Variants in KHDRBS2 observed in about 807,000 individuals in gnomAD.
KHDRBS2 encodes the protein KH domain-containing, RNA-binding, signal transduction-associated protein 2.
Under a neutral mutation model 44.3 loss-of-function variants are expected in KHDRBS2, and 26 were observed. That is an observed-to-expected ratio of 0.59 (90% confidence interval 0.43 to 0.81). The LOEUF is 0.81. KHDRBS2 is among the 40% of genes least tolerant of loss of function. The probability of loss-of-function intolerance (pLI) is 0.00; values close to 1 mark genes in which losing one functional copy is unlikely to be tolerated. For synonymous variants in KHDRBS2, 194 were observed against 151.1 expected, an observed-to-expected ratio of 1.28 and a Z score of -2.08; for missense variants, 476 against 433.1, an observed-to-expected ratio of 1.10 and a Z score of -0.88.
chr6:62,108,540 G>A (rs891695867), intron 2 of KHDRBS2, among the ~76,000 whole-genome samples: 7 of 152,210 alleles, frequency 4.6e-5, no homozygotes, highest in African/African-American at 1.2e-4. Flanking sequence ...TCAGTGTGGC[G>A]ATTCCTCAGG....
chr6:62,133,906 A>G (rs1390804357), intron 2 of KHDRBS2, among the ~76,000 whole-genome samples: 4 of 152,206 alleles, frequency 2.6e-5, no homozygotes, highest in Non-Finnish European at 5.9e-5. Flanking sequence ...ATTTCTAAAA[A>G]GCAAAGCATT....
At chr6:61,747,256 C>T (rs2127566834) in intron 6 of KHDRBS2, among the ~76,000 whole-genome samples, 1 of 152,168 alleles carries the variant, frequency 6.6e-6, no homozygotes, top group South Asian at 2.1e-4. Context: ...TGGTGTTAGA[C>T]AGAGAATGAA....
At chr6:62,253,134 T>C (rs754706554) in intron 1 of KHDRBS2, among the ~76,000 whole-genome samples, 1 of 152,034 alleles carries the variant, frequency 6.6e-6, no homozygotes, top group Admixed American at 6.6e-5. Context: ...TAATTATTGT[T>C]TGTTTAACCT....
intron 7 of KHDRBS2, among the ~76,000 whole-genome samples, chr6:61,706,389 T>C (rs1172503864): frequency 2.0e-5 from 3 of 151,824 alleles, no homozygotes; most frequent in Admixed American, 6.6e-5. Flanking sequence ...GAAGTTTGTA[T>C]CTAGAAAAGT....
rs190459972 is a variant in KHDRBS2, at chr6:62,151,036, C to T, written c.219+26149G>A. On this transcript the variant is annotated intron_variant, in intron 2 of 8. Transcript: ENST00000281156. ...TCACCTCACCCGTCCCTACCCCATA[C>T]TTCTATCTGCACCTTTTGCTACAAG... Among the ~76,000 whole-genome samples the T allele has an allele frequency of 2.2e-3, 342 of 152,224 alleles. 1 individual carries two copies. The highest frequency in any genetic ancestry group is 3.7e-3 in the Non-Finnish European group (249 of 68,004).
chr6:61,641,997 G>A, the KHDRBS2 span, among the ~76,000 whole-genome samples: 1 of 152,142 alleles, frequency 6.6e-6, no homozygotes, highest in Non-Finnish European at 1.5e-5. Context: ...GAGATTTGGA[G>A]AGATGAGGTA....
At chr6:62,155,165 G>A (rs1217628575) in intron 2 of KHDRBS2, among the ~76,000 whole-genome samples, 1 of 151,934 alleles carries the variant, frequency 6.6e-6, no homozygotes, top group Non-Finnish European at 1.5e-5. Flanking sequence ...ATTTGAGCTG[G>A]GTTTAGAGAA....
At chr6:62,036,451 T>C (rs1287335468) in intron 3 of KHDRBS2, among the ~76,000 whole-genome samples, 1 of 151,930 alleles carries the variant, frequency 6.6e-6, no homozygotes, top group Non-Finnish European at 1.5e-5. Context: ...CTATGTTCAT[T>C]ACCTGTCTTA....
rs575872889 is a variant in KHDRBS2 at position 62,097,025 on chromosome 6, A to G, written c.220-49031T>C. 1.1e-4 allele frequency among the ~76,000 whole-genome samples: 16 copies of G among 151,184 alleles called. 2 individuals carry two copies. Among genetic ancestry groups the G allele is most frequent in the Admixed American group, 8.6e-4 (13 of 15,184 alleles). On this transcript the variant is annotated intron_variant, in intron 2 of 8. Coordinates refer to ENST00000281156, the MANE Select transcript of KHDRBS2 (RefSeq NM_152688.4). ...GTCAGAAGCATGTTTTTAAATTTCC[A>G]TGTATTGGTATAGTTTCCTAAGTTC...
chr6:61,955,008 GTA>G (rs1312077819), intron 4 of KHDRBS2, among the ~76,000 whole-genome samples: 1 of 127,810 alleles, frequency 7.8e-6, no homozygotes, highest in African/African-American at 3.0e-5. Flanking sequence ...ACATACATAT[GTA>G]TGTATACACA....
At chr6:62,067,956 CTT>C (rs1794135046) in intron 2 of KHDRBS2, among the ~76,000 whole-genome samples, 1 of 151,502 alleles carries the variant, frequency 6.6e-6, no homozygotes. Flanking sequence ...ACAGCGGACA[CTT>C]GAGTTGTGTC....
At chr6:62,175,360 G>T (rs1264622623) in intron 2 of KHDRBS2, among the ~76,000 whole-genome samples, 1 of 151,404 alleles carries the variant, frequency 6.6e-6, no homozygotes, top group African/African-American at 2.4e-5. Context: ...TAAACATCAG[G>T]TGTTATCATT....
At chr6:62,061,384 C>G (rs1219618676) in intron 2 of KHDRBS2, among the ~76,000 whole-genome samples, 1 of 151,516 alleles carries the variant, frequency 6.6e-6, no homozygotes, top group African/African-American at 2.4e-5. Context: ...GACAAAATCT[C>G]TCAGCATTTG....
Position 61,815,492 on chromosome 6 carries a change from A to G in KHDRBS2, c.810+79143T>C, listed in dbSNP as rs185098567. Among the ~76,000 whole-genome samples the G allele has an allele frequency of 1.1e-4, 16 of 152,270 alleles. No homozygotes were observed. The East Asian group carries it at 1.5e-3, about 15-fold the overall frequency. On this transcript the variant is annotated intron_variant, in intron 6 of 8. Transcript: ENST00000281156. ...GTATGTACTTTATGGTTTTAGCAAA[A>G]GTAACGAGTTCTTGCCAAACTATTC...
intron 5 of KHDRBS2, among the ~76,000 whole-genome samples, chr6:61,900,385 A>G (rs1803755960): frequency 1.3e-5 from 2 of 152,158 alleles, no homozygotes; most frequent in African/African-American, 2.4e-5. Flanking sequence ...TAATATTTAG[A>G]TCTCTGTCCT....
At chr6:62,264,678 A>G (rs1480465049) in intron 1 of KHDRBS2, among the ~76,000 whole-genome samples, 1 of 151,830 alleles carries the variant, frequency 6.6e-6, no homozygotes, top group Non-Finnish European at 1.5e-5. Context: ...TTATTGAGAC[A>G]TATAGAGTAG....
chr6:61,551,019 C>T, the KHDRBS2 span, among the ~76,000 whole-genome samples: 1 of 152,088 alleles, frequency 6.6e-6, no homozygotes, highest in Non-Finnish European at 1.5e-5. Context: ...AGTGATATGC[C>T]TATTGCGGCT....
At chr6:61,671,830 T>C in the KHDRBS2 span, among the ~76,000 whole-genome samples, 2 of 151,808 alleles carry the variant, frequency 1.3e-5, no homozygotes, top group Non-Finnish European at 2.9e-5. Flanking sequence ...TTGACCCTTA[T>C]TCTTTTTTTA....
intron 7 of KHDRBS2, among the ~76,000 whole-genome samples, chr6:61,704,441 A>T (rs1769163876): frequency 1.3e-5 from 2 of 151,780 alleles, no homozygotes; most frequent in South Asian, 4.1e-4. Flanking sequence ...GCCTTATGGT[A>T]GGGGGTCAGC....
Sources: allele counts gnomAD v4.1 joint callset (sites outside exome capture counted in the v4.1 genomes callset), GRCh38; gene constraint gnomAD v4.1.1; transcripts MANE v1.5; gene names NCBI Gene and HGNC (gene_info 2026-07-23, HGNC 2026-07-21).